Variants in CFAP54 observed in about 807,000 individuals in gnomAD.
CFAP54 encodes the protein cilia and flagella associated protein 54.
In CFAP54, 290 loss-of-function variants were observed where a neutral mutation model predicts 370.4. That is an observed-to-expected ratio of 0.78 (90% CI 0.71 to 0.86). CFAP54 has a LOEUF of 0.86. CFAP54 is among the 40% of genes least tolerant of loss of function. The pLI is 0.00. For missense variants in CFAP54, 3,399 were observed against 3,528.7 expected (o/e 0.96, Z 0.93); for synonymous variants, 1,206 against 1,236.5 (o/e 0.98, Z 0.52).
intron 22 of CFAP54, among the ~76,000 whole-genome samples, chr12:96,588,228 T>C (rs2136431626): frequency 6.6e-6 from 1 of 152,276 alleles, no homozygotes; most frequent in East Asian, 1.9e-4. Flanking sequence ...GCCTCTCCAG[T>C]CTCTCTTAAA....
intron 6 of CFAP54, among the ~76,000 whole-genome samples, chr12:96,520,519 A>G (rs2136367982): frequency 6.6e-6 from 1 of 152,230 alleles, no homozygotes; most frequent in African/African-American, 2.4e-5. Flanking sequence ...TCTCAAAAAA[A>G]TTTATATATA....
At chr12:96,555,636 A>G (rs1346867489) in intron 17 of CFAP54, among the ~76,000 whole-genome samples, 1 of 150,492 alleles carries the variant, frequency 6.6e-6, no homozygotes, top group Non-Finnish European at 1.5e-5. Flanking sequence ...TATAATAAAA[A>G]GACATCATTT....
intron 48 of CFAP54, among the ~76,000 whole-genome samples, chr12:96,711,110 CT>C (rs1957608671): frequency 6.6e-6 from 1 of 152,110 alleles, no homozygotes; most frequent in African/African-American, 2.4e-5. Context: ...TTAAAATTAT[CT>C]ATTTCTTGAC....
intron 66 of CFAP54, among the ~76,000 whole-genome samples, chr12:96,860,078 T>C (rs1401016706): frequency 6.6e-6 from 1 of 150,618 alleles, no homozygotes; most frequent in Non-Finnish European, 1.5e-5. Flanking sequence ...AAGAATAAAA[T>C]GAATGACTGG....
At chr12:96,541,102 T>C (rs569080381) in intron 14 of CFAP54, 115 bp downstream of exon 14, 29 of 544,278 alleles carry the variant, frequency 5.3e-5, no homozygotes, top group South Asian at 2.7e-4. Flanking sequence ...TTATGCTTCA[T>C]TGAGGATTTA....
chr12:96,679,677 G>A lies in CFAP54; in HGVS notation c.5641G>A (p.Glu1881Lys). Reference sequence around the variant, plus strand: ...CTTGAGGTGTTTTAGAGAGACACTGGAAAAATCCAAATACCATAACAGATC... The same window carrying A: ...CTTGAGGTGTTTTAGAGAGACACTGAAAAAATCCAAATACCATAACAGATC... ...DTLRCFRETL[E>K]KSKYHNRSIR... The change falls in exon 40 of 68, where the codon GAA becomes AAA. Residue 1881 changes from glutamate (E) to lysine (K), a missense_variant. Transcript: ENST00000524981. 6.2e-7 allele frequency: 1 copy of A among 1,613,932 alleles called. No homozygotes were observed. The highest frequency in any genetic ancestry group is 8.5e-7 in the Non-Finnish European group (1 of 1,179,878).
At chr12:96,638,304 G>A (rs1956685808) in intron 32 of CFAP54, among the ~76,000 whole-genome samples, 1 of 147,590 alleles carries the variant, frequency 6.8e-6, no homozygotes, top group Non-Finnish European at 1.5e-5. Context: ...TACCATCATA[G>A]CTCACTGCAG....
At chr12:96,854,629 C>T (rs1434217658) in intron 66 of CFAP54, among the ~76,000 whole-genome samples, 2 of 152,090 alleles carry the variant, frequency 1.3e-5, no homozygotes, top group African/African-American at 4.8e-5. Context: ...AATCAGGATA[C>T]AGCCAGTCCA....
At chr12:96,859,787 T>C (rs1456927210) in intron 66 of CFAP54, among the ~76,000 whole-genome samples, 2 of 152,068 alleles carry the variant, frequency 1.3e-5, no homozygotes, top group Non-Finnish European at 2.9e-5. Flanking sequence ...ATATTGCTAA[T>C]TGAAAAAGCC....
chr12:96,540,358 T>A (rs1448677640), intron 13 of CFAP54: 1 of 152,264 alleles, frequency 6.6e-6, no homozygotes, highest in Non-Finnish European at 1.5e-5. Context: ...CCTCAGCCTC[T>A]CAAAGTGCTG....
At chr12:96,652,744 A>G (rs1956875451) in intron 36 of CFAP54, among the ~76,000 whole-genome samples, 1 of 152,204 alleles carries the variant, frequency 6.6e-6, no homozygotes, top group African/African-American at 2.4e-5. Context: ...CCCGTCTACC[A>G]GGAGAAGCAC....
intron 15 of CFAP54, among the ~76,000 whole-genome samples, chr12:96,551,290 C>CA (rs942916418): frequency 2.5e-4 from 38 of 151,650 alleles, no homozygotes; most frequent in Middle Eastern, 3.2e-3. Flanking sequence ...TCCCCAAACC[C>CA]AAAAAAACCC....
chr12:96,830,262 C>T (rs1389130180), intron 66 of CFAP54, among the ~76,000 whole-genome samples: 1 of 152,146 alleles, frequency 6.6e-6, no homozygotes, highest in Non-Finnish European at 1.5e-5. Context: ...TTTAACCTTT[C>T]GAAGCACTTC....
chr12:96,769,340 A>G (rs1418539523), intron 60 of CFAP54, among the ~76,000 whole-genome samples: 2 of 152,234 alleles, frequency 1.3e-5, no homozygotes, highest in Non-Finnish European at 2.9e-5. Context: ...ACAGAAAACT[A>G]TAAATGCCTG....
At chr12:96,622,597 A>T (rs1956511365) in intron 27 of CFAP54, among the ~76,000 whole-genome samples, 1 of 151,990 alleles carries the variant, frequency 6.6e-6, no homozygotes, top group South Asian at 2.1e-4. Context: ...TGATCCTCCC[A>T]CCTTGGCCTC....
Position 96,533,918 on chromosome 12 carries a change from A to G in CFAP54, c.1484A>G (p.Tyr495Cys), listed in dbSNP as rs938915789. Reference sequence around the variant, plus strand: ...AAATTTATAAAATTAGCTTTTACCTATGAGGAGTGGAGTTTATTTGAATCT... The same window carrying G: ...AAATTTATAAAATTAGCTTTTACCTGTGAGGAGTGGAGTTTATTTGAATCT... ...AVKFIKLAFT[Y>C]EEWSLFESSA... The change falls in exon 10 of 68, where the codon TAT becomes TGT. Residue 495 changes from tyrosine (Y) to cysteine (C), a missense_variant. This residue lies in a region of CFAP54 where 44 missense variants were observed against 82.3 expected (regional missense o/e 0.53). Coordinates refer to ENST00000524981, the MANE Select transcript of CFAP54 (RefSeq NM_001306084.2). The G allele has an allele frequency of 7.8e-6, 12 of 1,534,624 alleles. No homozygotes were observed. The South Asian group carries it at 8.4e-5, about 11-fold the overall frequency.
chr12:96,763,486 A>G (rs2136669555), intron 58 of CFAP54, among the ~76,000 whole-genome samples: 1 of 152,272 alleles, frequency 6.6e-6, no homozygotes, highest in East Asian at 1.9e-4. Flanking sequence ...TTTACTTAAG[A>G]TGCCATTTTT....
At chr12:96,742,951 G>T (rs924261163) in intron 52 of CFAP54, among the ~76,000 whole-genome samples, 9 of 152,102 alleles carry the variant, frequency 5.9e-5, no homozygotes, top group Admixed American at 5.9e-4. Flanking sequence ...GCCTTTCTTT[G>T]CCAAGTCTCT....
chr12:96,852,091 T>G (rs531581063), intron 66 of CFAP54, among the ~76,000 whole-genome samples: 2 of 152,160 alleles, frequency 1.3e-5, no homozygotes, highest in South Asian at 4.1e-4. Context: ...TTTTAAAAAA[T>G]TAAACTCTCA....
Sources: allele counts gnomAD v4.1 joint callset (sites outside exome capture counted in the v4.1 genomes callset), GRCh38; gene constraint gnomAD v4.1.1; regional missense constraint gnomAD v4.1.1; transcripts MANE v1.5; gene names NCBI Gene and HGNC (gene_info 2026-07-23, HGNC 2026-07-21).